Variants in ASCC3 observed in about 807,000 individuals in gnomAD.
ASCC3 encodes activating signal cointegrator 1 complex subunit 3.
Under a neutral mutation model 256.3 loss-of-function variants are expected in ASCC3, and 158 were observed. That is an observed-to-expected ratio of 0.62 (90% confidence interval 0.54 to 0.70). The LOEUF (loss-of-function observed/expected upper bound fraction) is 0.70, where lower values mean the gene tolerates loss of function less well. ASCC3 is among the 30% of genes least tolerant of loss of function. The pLI is 0.00. For synonymous variants in ASCC3, 948 were observed against 883.4 expected, an observed-to-expected ratio of 1.07 and a Z score of -1.30; for missense variants, 2,259 against 2,626.0, an observed-to-expected ratio of 0.86 and a Z score of 3.05.
chr6:100,807,497 A>T (rs1770249514), intron 4 of ASCC3, among the ~76,000 whole-genome samples: 1 of 151,902 alleles, frequency 6.6e-6, no homozygotes, highest in African/African-American at 2.4e-5. Context: ...ACATGGTCAA[A>T]ATTATTTTCA....
chr6:100,862,898 A>ATTAAGT (rs1350911139), intron 3 of ASCC3, among the ~76,000 whole-genome samples: 2 of 152,238 alleles, frequency 1.3e-5, no homozygotes, highest in African/African-American at 4.8e-5. Flanking sequence ...GGGATCTACC[A>ATTAAGT]TCATTAAGAT....
chr6:100,766,797 A>G (rs1781679932), intron 9 of ASCC3, 92 bp from the exon 10 acceptor site: 1 of 1,453,986 alleles, frequency 6.9e-7, no homozygotes, highest in South Asian at 1.2e-5. Flanking sequence ...TTTATTGTGA[A>G]ATATGTTTCT....
At chr6:100,812,979 T>C (rs1277929304) in intron 4 of ASCC3, among the ~76,000 whole-genome samples, 7 of 151,018 alleles carry the variant, frequency 4.6e-5, no homozygotes, top group South Asian at 2.1e-4. Flanking sequence ...GAAAGACAGA[T>C]AGATGAAGAA....
At chr6:100,546,688 A>C (rs1775732754) in intron 36 of ASCC3, among the ~76,000 whole-genome samples, 1 of 152,178 alleles carries the variant, frequency 6.6e-6, no homozygotes, top group South Asian at 2.1e-4. Flanking sequence ...GAAAAATTTA[A>C]CAAGTTTATT....
chr6:100,690,820 T>C (rs1050853732), intron 13 of ASCC3, among the ~76,000 whole-genome samples: 1 of 152,138 alleles, frequency 6.6e-6, no homozygotes, highest in Non-Finnish European at 1.5e-5. Context: ...CACTTGGCAG[T>C]TCAGAGCCAG....
chr6:100,835,967 C>T (rs1368151142), intron 4 of ASCC3, among the ~76,000 whole-genome samples: 1 of 152,056 alleles, frequency 6.6e-6, no homozygotes, highest in Non-Finnish European at 1.5e-5. Flanking sequence ...TCTTTCCCAT[C>T]CCTGATTAAA....
At chr6:100,551,594 T>C (rs1296743070) in intron 36 of ASCC3, among the ~76,000 whole-genome samples, 1 of 152,006 alleles carries the variant, frequency 6.6e-6, no homozygotes, top group African/African-American at 2.4e-5. Context: ...TAGTGAGTCA[T>C]AATCCAAAAG....
At position 100,864,139 on chromosome 6, in the gene ASCC3, C is replaced by A; in HGVS notation, c.166G>T (p.Glu56Ter). Residue 56 changes from glutamate to a stop codon, truncating the protein, a stop_gained, in exon 3 of 42, where the codon GAA (glutamate) becomes TAA (stop). Coordinates refer to ENST00000369162, the MANE Select transcript of ASCC3 (RefSeq NM_006828.4). LOFTEE classifies it high-confidence loss of function. The part of the protein sequence containing the change: ...TWKKIIKFLN[E>*]KLEKSKMQSI... ...TGCATTTTACTCTTCTCCAGTTTTTCATTCAAAAATTTTATTATCTTCTTC... is the reference window on the plus strand; with the variant it reads ...TGCATTTTACTCTTCTCCAGTTTTTAATTCAAAAATTTTATTATCTTCTTC... 6.2e-7 allele frequency: 1 copy of A among 1,607,226 alleles called. No homozygotes were observed. The highest frequency in any genetic ancestry group is 8.5e-7 in the Non-Finnish European group (1 of 1,175,884).
rs146893970 is a variant in ASCC3, at chr6:100,718,155, T to C, written c.1999A>G (p.Ile667Val). 5.0e-6 allele frequency: 8 copies of C among 1,613,636 alleles called. No individual in the cohort carries two copies. Among genetic ancestry groups the C allele is most frequent in the Admixed American group, 3.3e-5 (2 of 59,922 alleles). ...VATFLHVNPY[I>V]GLFFFDGRFR... ...CGGCCATCAAAGAAGAAAAGTCCAATGTATGGATTAACATGTAAAAATGTG... is the reference window on the plus strand; with the variant it reads ...CGGCCATCAAAGAAGAAAAGTCCAACGTATGGATTAACATGTAAAAATGTG... Residue 667 changes from isoleucine to valine, a missense_variant, in exon 12 of 42, where the codon ATT (isoleucine) becomes GTT (valine). Coordinates refer to ENST00000369162, the MANE Select transcript of ASCC3 (RefSeq NM_006828.4).
At chr6:100,628,938 G>A (rs1774393594) in intron 27 of ASCC3, 77 bp downstream of exon 27, 7 of 1,269,484 alleles carry the variant, frequency 5.5e-6, no homozygotes, top group Admixed American at 2.0e-5. Flanking sequence ...AATATTACAT[G>A]CAAATTAAAA....
intron 37 of ASCC3, among the ~76,000 whole-genome samples, chr6:100,527,777 T>A (rs1477772336): frequency 6.6e-6 from 1 of 152,028 alleles, no homozygotes; most frequent in Non-Finnish European, 1.5e-5. Context: ...CCCTTATTCT[T>A]TCCTATTCTC....
intron 8 of ASCC3, among the ~76,000 whole-genome samples, chr6:100,796,504 G>A (rs983307071): frequency 2.6e-5 from 4 of 152,122 alleles, no homozygotes; most frequent in African/African-American, 9.7e-5. Context: ...CTTTTAGGGA[G>A]GTAATTACGG....
At chr6:100,614,079 C>T (rs72939391) in intron 30 of ASCC3, among the ~76,000 whole-genome samples, 15 of 152,074 alleles carry the variant, frequency 9.9e-5, no homozygotes, top group East Asian at 3.9e-4. Flanking sequence ...TAATTTGGCA[C>T]GCTGTTGGTA....
chr6:100,758,326 G>A (rs960254607), intron 10 of ASCC3, among the ~76,000 whole-genome samples: 4 of 152,100 alleles, frequency 2.6e-5, no homozygotes, highest in African/African-American at 9.7e-5. Context: ...GTGCCACGGT[G>A]GTTTCCTGCA....
chr6:100,554,951 T>C (rs964970801), intron 36 of ASCC3, among the ~76,000 whole-genome samples: 2 of 151,960 alleles, frequency 1.3e-5, no homozygotes, highest in South Asian at 2.1e-4. Context: ...TTAACACTTA[T>C]GATTTGGACT....
intron 8 of ASCC3, among the ~76,000 whole-genome samples, chr6:100,792,081 G>C (rs1220345242): frequency 6.6e-6 from 1 of 151,814 alleles, no homozygotes. Flanking sequence ...TTATGAGCTA[G>C]GTTTTCTGCA....
chr6:100,804,106 A>G (rs757845626), intron 5 of ASCC3, among the ~76,000 whole-genome samples: 3 of 152,188 alleles, frequency 2.0e-5, no homozygotes, highest in South Asian at 2.1e-4. Context: ...TGTGTAATAC[A>G]TGACACTATC....
chr6:100,606,959 T>C lies in ASCC3; in HGVS notation c.4915A>G (p.Lys1639Glu). 3.1e-6 allele frequency: 5 copies of C among 1,613,554 alleles called. No homozygotes were observed. Among genetic ancestry groups the C allele is most frequent in the Non-Finnish European group, 4.2e-6 (5 of 1,179,732 alleles). The change falls in exon 31 of 42, where the codon AAA (lysine) becomes GAA (glutamate). Residue 1639 changes from lysine (K) to glutamate (E), a missense_variant. Lys to Glu is a moderately conservative substitution (Grantham distance 56, BLOSUM62 1). Transcript: ENST00000369162. ...KTVEELFVNC[K>E]VQVLIATSTL... ...TGGAGAAAAAAAAGTACCTGAACTT[T>C]ACAGTTTACAAATAGTTCCTCTACT...
chr6:100,774,482 C>T (rs1260122177), intron 8 of ASCC3, among the ~76,000 whole-genome samples: 1 of 147,338 alleles, frequency 6.8e-6, no homozygotes, highest in East Asian at 1.9e-4. Context: ...TCTCCTGCCT[C>T]AGTCTCCTGA....
Sources: allele counts gnomAD v4.1 joint callset (sites outside exome capture counted in the v4.1 genomes callset), GRCh38; gene constraint gnomAD v4.1.1; transcripts MANE v1.5; gene names NCBI Gene and HGNC (gene_info 2026-07-23, HGNC 2026-07-21).